Variants in LRRN3 observed in about 807,000 individuals in gnomAD.
The protein encoded by LRRN3 is leucine-rich repeat neuronal protein 3.
A neutral mutation model predicts 40.1 loss-of-function variants in LRRN3; 15 were observed. That is an observed-to-expected ratio of 0.37 (90% confidence interval 0.25 to 0.58). The LOEUF (loss-of-function observed/expected upper bound fraction) is 0.58, where lower values mean the gene tolerates loss of function less well. LRRN3 is among the 20% of genes least tolerant of loss of function. LRRN3 has a pLI of 0.72. For synonymous variants in LRRN3, 308 were observed against 297.2 expected, an observed-to-expected ratio of 1.04 and a Z score of -0.37; for missense variants, 746 against 837.7, an observed-to-expected ratio of 0.89 and a Z score of 1.35.
At chr7:111,103,341 A>G (rs1798187707) in intron 2 of LRRN3, among the ~76,000 whole-genome samples, 1 of 151,640 alleles carries the variant, frequency 6.6e-6, no homozygotes, top group Non-Finnish European at 1.5e-5. Context: ...ATTTTTTCAA[A>G]TATTTGCCAA....
intron 1 of LRRN3, chr7:111,097,265 G>T (rs2129579096): frequency 6.6e-6 from 1 of 152,012 alleles, no homozygotes; most frequent in East Asian, 1.9e-4. Context: ...AGCAGAATGT[G>T]TTCTCCAGGG....
At chr7:111,103,879 T>C (rs1031116222) in intron 2 of LRRN3, among the ~76,000 whole-genome samples, 3 of 151,632 alleles carry the variant, frequency 2.0e-5, no homozygotes, top group Non-Finnish European at 4.4e-5. Flanking sequence ...CGAGAGTCCA[T>C]GCCTGATCCC....
At chr7:111,110,619 T>A (rs1429754049) in intron 2 of LRRN3, among the ~76,000 whole-genome samples, 1 of 152,158 alleles carries the variant, frequency 6.6e-6, no homozygotes, top group Non-Finnish European at 1.5e-5. Context: ...AACATAAGTA[T>A]AAATATCAAA....
intron 2 of LRRN3, among the ~76,000 whole-genome samples, chr7:111,110,736 T>C (rs576674966): frequency 6.6e-6 from 1 of 152,298 alleles, no homozygotes; most frequent in East Asian, 1.9e-4. Context: ...ATTTCTGCAG[T>C]AGACATTACT....
chr7:111,112,529 T>C (rs919814929), intron 2 of LRRN3, among the ~76,000 whole-genome samples: 1 of 152,186 alleles, frequency 6.6e-6, no homozygotes. Flanking sequence ...CATGTCTTGG[T>C]TGAAACTCAA....
chr7:111,116,998 C>A (rs1315086942), intron 2 of LRRN3, among the ~76,000 whole-genome samples: 1 of 152,088 alleles, frequency 6.6e-6, no homozygotes, highest in Non-Finnish European at 1.5e-5. Flanking sequence ...ACTGGTTAGT[C>A]TGCCTTAATT....
chr7:111,114,738 C>CAAAA (rs567078227), intron 2 of LRRN3, among the ~76,000 whole-genome samples: 3 of 62,532 alleles, frequency 4.8e-5, no homozygotes, highest in South Asian at 5.9e-4. Flanking sequence ...GACTCCATCT[C>CAAAA]AAAAAAAAAA....
At position 111,091,295 on chromosome 7, in the gene LRRN3, C is replaced by T. The variant is rs1230263120; in HGVS notation, c.-650C>T. 1 of 152,162 alleles carries T rather than the reference C, an allele frequency of 6.6e-6. No homozygotes were observed. The highest frequency in any genetic ancestry group is 2.1e-4 in the South Asian group (1 of 4,828). 9.4% of individuals were successfully genotyped at this position (152,162 alleles called of 1,614,324 possible). ...AGGAATCCCGGCTGCAGCCTCCTGC[C>T]TTCCTTTATATTTTAAAATAGAGAG... On this transcript the variant is annotated 5_prime_UTR_variant, in exon 1 of 3. Coordinates refer to ENST00000308478, the MANE Select transcript of LRRN3 (RefSeq NM_001099658.2).
intron 2 of LRRN3, among the ~76,000 whole-genome samples, chr7:111,113,365 T>C (rs778408716): frequency 6.6e-6 from 1 of 152,144 alleles, no homozygotes; most frequent in African/African-American, 2.4e-5. Flanking sequence ...CATTTACTTA[T>C]GGCAATCAAT....
At chr7:111,106,829 T>C (rs1563249102) in intron 2 of LRRN3, among the ~76,000 whole-genome samples, 1 of 151,610 alleles carries the variant, frequency 6.6e-6, no homozygotes, top group East Asian at 1.9e-4. Context: ...ATAGATTTCT[T>C]TTCCACTGTT....
In LRRN3 at chr7:111,123,541, C is replaced by A. The variant is rs754041119; in HGVS notation, c.769C>A (p.Gln257Lys). The A allele has an allele frequency of 3.0e-5, 49 of 1,613,726 alleles. No homozygotes were observed. Among genetic ancestry groups the A allele is most frequent in the East Asian group, 8.9e-5 (4 of 44,860 alleles). The change falls in exon 3 of 3, where the codon CAA becomes AAA. Residue 257 changes from glutamine to lysine, a missense_variant. By Grantham distance (53) the Gln-to-Lys change is moderately conservative. Coordinates refer to ENST00000308478, the MANE Select transcript of LRRN3 (RefSeq NM_001099658.2). This position sits in a 1 kb window ranked among gnomAD's most constrained non-coding sequence, Gnocchi z 6.4. ...RLIKVPHVAL[Q>K]KVVNLKFLDL... ...TATTAAAGTACCCCATGTTGCTCTT[C>A]AAAAAGTTGTAAATCTCAAATTTTT...
chr7:111,092,303 T>C (rs1796955225), intron 1 of LRRN3, among the ~76,000 whole-genome samples: 2 of 152,226 alleles, frequency 1.3e-5, no homozygotes. Context: ...CACAGCAGGA[T>C]GGCTTTAAAG....
intron 2 of LRRN3, among the ~76,000 whole-genome samples, chr7:111,117,089 T>C (rs550289395): frequency 6.6e-6 from 1 of 152,244 alleles, no homozygotes; most frequent in Admixed American, 6.5e-5. Context: ...GGTAACTAAT[T>C]TGATAGTCTT....
intron 2 of LRRN3, among the ~76,000 whole-genome samples, chr7:111,105,229 A>G (rs1166725543): frequency 6.6e-6 from 1 of 151,932 alleles, no homozygotes; most frequent in Non-Finnish European, 1.5e-5. Flanking sequence ...TCTTATGTCA[A>G]TAGGCTGAAA....
At chr7:111,101,706 G>T (rs1012594546) in intron 2 of LRRN3, among the ~76,000 whole-genome samples, 1 of 151,480 alleles carries the variant, frequency 6.6e-6, no homozygotes, top group Non-Finnish European at 1.5e-5. Flanking sequence ...AGAAGACTGA[G>T]AAGAGGGTAT....
At chr7:111,106,799 A>G (rs1367811518) in intron 2 of LRRN3, among the ~76,000 whole-genome samples, 1 of 151,168 alleles carries the variant, frequency 6.6e-6, no homozygotes, top group Non-Finnish European at 1.5e-5. Flanking sequence ...CATACCAAAA[A>G]AAATGGAATC....
At chr7:111,098,775 G>GAAC (rs1359082799) in intron 1 of LRRN3, among the ~76,000 whole-genome samples, 2 of 151,664 alleles carry the variant, frequency 1.3e-5, no homozygotes, top group Admixed American at 1.3e-4. Flanking sequence ...AACTAATGAA[G>GAAC]AACACGAAAA....
intron 2 of LRRN3, among the ~76,000 whole-genome samples, chr7:111,116,000 A>C: frequency 6.6e-6 from 1 of 152,174 alleles, no homozygotes; most frequent in East Asian, 1.9e-4. Flanking sequence ...AAAGAAAACT[A>C]TCCCCATGTA....
chr7:111,115,621 G>A (rs565099998), intron 2 of LRRN3, among the ~76,000 whole-genome samples: 82 of 151,706 alleles, frequency 5.4e-4, no homozygotes, highest in Admixed American at 9.2e-4. Flanking sequence ...GACGTATTAG[G>A]GTGAGACATT....
Sources: gnomAD v4.1 joint callset for allele counts (sites outside exome capture counted in the v4.1 genomes callset) on GRCh38, gnomAD v4.1.1 for gene constraint, Gnocchi (gnomAD v3.1) non-coding constraint, MANE v1.5 for transcripts, NCBI Gene and HGNC (gene_info 2026-07-23, HGNC 2026-07-21) for gene names.